Variants in PLCG2 observed in about 807,000 individuals in gnomAD.
PLCG2 encodes 1-phosphatidylinositol 4,5-bisphosphate phosphodiesterase gamma-2.
In PLCG2, 69 loss-of-function variants were observed where a neutral mutation model predicts 175.6. The observed-to-expected ratio is 0.39, with a 90% CI of 0.32 to 0.48. The LOEUF (loss-of-function observed/expected upper bound fraction) is 0.48, where lower values mean the gene tolerates loss of function less well. Ranked by LOEUF, PLCG2 falls within the 20% of genes least tolerant of loss-of-function variation. The pLI, the probability that PLCG2 is intolerant of heterozygous loss-of-function variation, is 0.91. For synonymous variants in PLCG2, 827 were observed against 624.0 expected (o/e 1.33, Z -4.85); for missense variants, 1,798 against 1,650.9 (o/e 1.09, Z -1.54).
At chr16:81,862,516 G>C (rs1907032742) in intron 5 of PLCG2, among the ~76,000 whole-genome samples, 1 of 152,074 alleles carries the variant, frequency 6.6e-6, no homozygotes, top group Non-Finnish European at 1.5e-5. Context: ...GTGGCACCAG[G>C]GTTTGCAGAC....
chr16:81,862,085 C>G (rs964611549), intron 5 of PLCG2, among the ~76,000 whole-genome samples: 2 of 152,200 alleles, frequency 1.3e-5, no homozygotes, highest in Non-Finnish European at 2.9e-5. Context: ...AAACTTTGAC[C>G]AAGATGCCAA....
chr16:81,896,866 G>A (rs1366801085), intron 13 of PLCG2, among the ~76,000 whole-genome samples: 1 of 152,172 alleles, frequency 6.6e-6, no homozygotes, highest in Non-Finnish European at 1.5e-5. Flanking sequence ...GACAAGGAGG[G>A]GTTAAATGGG....
intron 2 of PLCG2, chr16:81,767,433 C>G (rs1048224241): frequency 2.0e-5 from 3 of 152,374 alleles, no homozygotes; most frequent in Non-Finnish European, 4.4e-5. Context: ...GCGTGAACCA[C>G]TGTGCCTGGC....
Position 81,832,344 on chromosome 16 carries a change from A to AT in PLCG2, c.194-22098dup, listed in dbSNP as rs1407140597. On this transcript the variant is annotated intron_variant, in intron 2 of 32. Coordinates refer to ENST00000564138, the MANE Select transcript of PLCG2 (RefSeq NM_002661.5). ...ATTAAGCAAAAGAGGTTAAGTGAAT[A>AT]TTCCCTAATGCATGCTCTTCTTTTC... 5.3e-5 allele frequency among the ~76,000 whole-genome samples: 8 copies of AT among 152,304 alleles called. No individual in the cohort carries two copies. In the East Asian group the frequency reaches 1.5e-3, roughly 29 times the overall value.
chr16:81,808,913 T>C (rs1325740848), intron 2 of PLCG2, among the ~76,000 whole-genome samples: 1 of 152,114 alleles, frequency 6.6e-6, no homozygotes, highest in African/African-American at 2.4e-5. Flanking sequence ...AGGGGAGACA[T>C]GAGCTTGGTG....
upstream of PLCG2, among the ~76,000 whole-genome samples, chr16:81,776,101 T>TTTTC (rs770091973): frequency 1.8e-5 from 1 of 55,310 alleles, no homozygotes; most frequent in Non-Finnish European, 4.1e-5. Context: ...TTCTTTCTTT[T>TTTTC]TTTCCTTCTT....
chr16:81,895,948 G>A, intron 13 of PLCG2, 21 bp downstream of exon 13: 1 of 1,614,036 alleles, frequency 6.2e-7, no homozygotes, highest in Non-Finnish European at 8.5e-7. Context: ...TGATTTCTGG[G>A]TGGTGTGACT....
intron 19 of PLCG2, among the ~76,000 whole-genome samples, chr16:81,918,135 C>G (rs1283065776): frequency 6.6e-6 from 1 of 152,060 alleles, no homozygotes; most frequent in Non-Finnish European, 1.5e-5. Flanking sequence ...GATGTTTTTC[C>G]CATTCTGTAG....
intron 2 of PLCG2, among the ~76,000 whole-genome samples, chr16:81,792,792 G>A (rs1036666901): frequency 1.3e-5 from 2 of 152,104 alleles, no homozygotes; most frequent in Admixed American, 6.6e-5. Flanking sequence ...CTCCCACTGG[G>A]TCCCTCCTAT....
chr16:81,809,883 C>T (rs185003953), intron 2 of PLCG2, among the ~76,000 whole-genome samples: 9 of 152,074 alleles, frequency 5.9e-5, no homozygotes, highest in Admixed American at 4.6e-4. Context: ...TTTACTGGAA[C>T]GTGTGGCTGA....
chr16:81,832,281 G>C (rs546201988), intron 2 of PLCG2, among the ~76,000 whole-genome samples: 1 of 152,186 alleles, frequency 6.6e-6, no homozygotes, highest in East Asian at 1.9e-4. Context: ...CCTGGGCTCC[G>C]CTCCACATGG....
chr16:81,912,536 G>A, intron 18 of PLCG2, 61 bp from the exon 19 acceptor site: 3 of 1,593,086 alleles, frequency 1.9e-6, no homozygotes, highest in East Asian at 4.5e-5. Context: ...TCCTCTGCGG[G>A]TGGCCCACTG....
rs530371937 is a variant in PLCG2, at chr16:81,952,127, TATATA to T, written c.3571-4566_3571-4562del. 2.6e-5 allele frequency among the ~76,000 whole-genome samples: 4 copies of T among 152,154 alleles called. No homozygotes were observed. The South Asian group carries it at 8.3e-4, about 32-fold the overall frequency. The stretch of plus-strand genomic sequence containing the variant: ...GTAATTTAAATAAAGGTACAGAACT[TATATA>T]AGAAAAAAACATAAAATCTTATTAA... On this transcript the variant is annotated intron_variant, in intron 31 of 32. Coordinates refer to ENST00000564138, the MANE Select transcript of PLCG2 (RefSeq NM_002661.5).
At chr16:81,879,602 C>A (rs1459663183) in intron 7 of PLCG2, among the ~76,000 whole-genome samples, 1 of 152,060 alleles carries the variant, frequency 6.6e-6, no homozygotes, top group Non-Finnish European at 1.5e-5. Context: ...GCAAGAGGAC[C>A]CTGGGTCATC....
At chr16:81,934,573 A>C in intron 26 of PLCG2, 42 bp downstream of exon 26, 1 of 1,167,176 alleles carries the variant, frequency 8.6e-7, no homozygotes, top group Non-Finnish European at 1.3e-6. Flanking sequence ...CTCCAATGAA[A>C]ACTTAACTTC....
Position 81,791,522 on chromosome 16 carries a change from A to G in PLCG2, c.193+5340A>G, listed in dbSNP as rs115004789. Among the ~76,000 whole-genome samples the G allele has an allele frequency of 6.4e-3, 972 of 152,250 alleles. 6 individuals are homozygous for G. The highest frequency in any genetic ancestry group is 0.022 in the African/African-American group (909 of 41,546). On this transcript the variant is annotated intron_variant, in intron 2 of 32. Coordinates refer to ENST00000564138, the MANE Select transcript of PLCG2 (RefSeq NM_002661.5). Reference sequence around the variant, plus strand: ...TCCAGAATCTTCACTCACACATCTGATACCTTAGTGGTGATGGCTGGAAGA... The same window carrying G: ...TCCAGAATCTTCACTCACACATCTGGTACCTTAGTGGTGATGGCTGGAAGA...
chr16:81,779,645 G>C (rs909425189), intron 1 of PLCG2, among the ~76,000 whole-genome samples: 1 of 152,152 alleles, frequency 6.6e-6, no homozygotes, highest in African/African-American at 2.4e-5. Flanking sequence ...CCTCACCCCG[G>C]GCCGGCGCCA....
At chr16:81,771,706 A>G (rs1397033281) in intron 2 of PLCG2, among the ~76,000 whole-genome samples, 2 of 151,132 alleles carry the variant, frequency 1.3e-5, no homozygotes, top group East Asian at 1.9e-4. Flanking sequence ...AAACAACAAC[A>G]AAAAAACTAA....
upstream of PLCG2, among the ~76,000 whole-genome samples, chr16:81,778,734 A>G (rs1885032327): frequency 6.6e-6 from 1 of 152,234 alleles, no homozygotes; most frequent in South Asian, 2.1e-4. Context: ...ACTCCAGCGC[A>G]GCCTCAACGA....
Sources: allele counts gnomAD v4.1 joint callset (sites outside exome capture counted in the v4.1 genomes callset), GRCh38; gene constraint gnomAD v4.1.1; transcripts MANE v1.5; gene names NCBI Gene and HGNC (gene_info 2026-07-23, HGNC 2026-07-21).